KIAA1549L: variants seen among roughly 807,000 people sequenced by gnomAD.
KIAA1549L encodes KIAA1549 like, also known as UPF0606 protein KIAA1549L.
Under a neutral mutation model 160.7 loss-of-function variants are expected in KIAA1549L, and 88 were observed. That is an observed-to-expected ratio of 0.55 (90% CI 0.46 to 0.65). KIAA1549L has a LOEUF of 0.65. Among genes scored for constraint, KIAA1549L ranks in the 30% least tolerant of loss-of-function variants. The probability of loss-of-function intolerance (pLI) is 0.00; values close to 1 mark genes in which losing one functional copy is unlikely to be tolerated. For missense variants in KIAA1549L, 2,258 were observed against 2,437.5 expected (o/e 0.93, Z 1.55); for synonymous variants, 950 against 976.7 (o/e 0.97, Z 0.51).
rs1283369238 is a variant in KIAA1549L, at chr11:33,552,178, G to T, written c.3792G>T (p.Leu1264=). ...TTGCTCAGACAATGGAACAGAGGCTGCAGAAGGCATTCCAGGATGCCGAGA... is the reference window on the plus strand; with the variant it reads ...TTGCTCAGACAATGGAACAGAGGCTTCAGAAGGCATTCCAGGATGCCGAGA... ...CKFAQTMEQR[L]QKAFQDAERK... is the part of the protein sequence containing the mutation. The change falls in exon 6 of 21, where the codon CTG becomes CTT. Residue 1264 remains leucine, a synonymous_variant. Transcript: ENST00000658780. 5 of 1,611,892 alleles carry T rather than the reference G, an allele frequency of 3.1e-6. No individual in the cohort carries two copies. Among genetic ancestry groups the T allele is most frequent in the Non-Finnish European group, 4.2e-6 (5 of 1,179,004 alleles).
chr11:33,495,369 A>T (rs1399431079), intron 1 of KIAA1549L, among the ~76,000 whole-genome samples: 1 of 150,926 alleles, frequency 6.6e-6, no homozygotes, highest in African/African-American at 2.4e-5. Context: ...GAGTGAGAAT[A>T]TGCGGTGTTT....
intron 12 of KIAA1549L, 149 bp from the exon 13 acceptor site, chr11:33,598,671 G>T (rs1850273740): frequency 1.0e-6 from 1 of 993,802 alleles, no homozygotes; most frequent in African/African-American, 1.6e-5. Context: ...GGGTGGTTTT[G>T]TTTTTTTCTT....
chr11:33,668,270 C>A lies in KIAA1549L; in HGVS notation c.*116C>A. On this transcript the variant is annotated 3_prime_UTR_variant, in exon 21 of 21. Coordinates refer to ENST00000658780, the MANE Select transcript of KIAA1549L (RefSeq NM_012194.3). Reference sequence around the variant, plus strand: ...CAATGGGTGAGTCTTTCTCACCCTCCATTTCTGAAAAGGTGAACTATGGGG... The same window carrying A: ...CAATGGGTGAGTCTTTCTCACCCTCAATTTCTGAAAAGGTGAACTATGGGG... The A allele has an allele frequency of 1.0e-6, 1 of 964,834 alleles. No individual in the cohort carries two copies. Among genetic ancestry groups the A allele is most frequent in the Non-Finnish European group, 1.5e-6 (1 of 654,808 alleles). The allele number at this position is 964,834 out of a possible 1,614,324, so 59.8% of individuals were successfully genotyped here.
At chr11:33,631,479 G>A (rs143509425) in intron 16 of KIAA1549L, among the ~76,000 whole-genome samples, 140 of 152,258 alleles carry the variant, frequency 9.2e-4, no homozygotes, top group East Asian at 5.0e-3. Context: ...CATATGGTGC[G>A]CTGTCCTGTA....
rs566163138 is a variant in KIAA1549L, at chr11:33,489,641, C to T, written c.239-52161C>T. On this transcript the variant is annotated intron_variant, in intron 1 of 20. Coordinates refer to ENST00000658780, the MANE Select transcript of KIAA1549L (RefSeq NM_012194.3). ...CTTCATCCCATGGTTTCCAAAGGCA[C>T]CCTGGACATCGACATGTGGATTCAA... Among the ~76,000 whole-genome samples, 108 of 152,306 alleles carry T rather than the reference C, an allele frequency of 7.1e-4. 1 individual carries two copies. The highest frequency in any genetic ancestry group is 2.6e-3 in the African/African-American group (107 of 41,560).
intron 1 of KIAA1549L, among the ~76,000 whole-genome samples, chr11:33,381,977 G>C (rs1490141036): frequency 6.6e-6 from 1 of 152,174 alleles, no homozygotes; most frequent in East Asian, 1.9e-4. Context: ...GTTCATTTGG[G>C]GGTATGTAAA....
chr11:33,483,320 G>A (rs1222489193), intron 1 of KIAA1549L, among the ~76,000 whole-genome samples: 1 of 152,154 alleles, frequency 6.6e-6, no homozygotes, highest in East Asian at 1.9e-4. Flanking sequence ...TTGTTGAGGG[G>A]GAGAAATCTA....
At chr11:33,621,069 C>T (rs977696204) in intron 16 of KIAA1549L, among the ~76,000 whole-genome samples, 1 of 152,080 alleles carries the variant, frequency 6.6e-6, no homozygotes, top group Non-Finnish European at 1.5e-5. Flanking sequence ...ACCTTGACAC[C>T]GTAGAAGCAA....
chr11:33,625,281 G>A (rs1446701147), intron 16 of KIAA1549L, among the ~76,000 whole-genome samples: 1 of 151,922 alleles, frequency 6.6e-6, no homozygotes, highest in East Asian at 1.9e-4. Flanking sequence ...CCCAGTAATG[G>A]GATGGCTGGG....
chr11:33,563,047 G>A (rs1854922376), intron 8 of KIAA1549L, among the ~76,000 whole-genome samples: 1 of 151,920 alleles, frequency 6.6e-6, no homozygotes, highest in Admixed American at 6.6e-5. Context: ...CTTGGGGTTA[G>A]GGCTTCAAAA....
intron 6 of KIAA1549L, among the ~76,000 whole-genome samples, chr11:33,553,688 C>T (rs1468299829): frequency 6.6e-6 from 1 of 152,148 alleles, no homozygotes; most frequent in Non-Finnish European, 1.5e-5. Context: ...CTTTTTCTTT[C>T]TGATTGGATT....
At chr11:33,549,337 G>T (rs1041561300) in intron 4 of KIAA1549L, among the ~76,000 whole-genome samples, 8 of 152,216 alleles carry the variant, frequency 5.3e-5, no homozygotes, top group African/African-American at 1.9e-4. Flanking sequence ...AAGGCTCTAA[G>T]GCTGAGCCTG....
intron 16 of KIAA1549L, among the ~76,000 whole-genome samples, chr11:33,640,772 G>A (rs1020130019): frequency 1.6e-4 from 24 of 152,242 alleles, no homozygotes; most frequent in Non-Finnish European, 1.0e-4. Flanking sequence ...GACATTCCTC[G>A]ATGAATATTT....
chr11:33,524,777 T>A (rs1355173285), intron 1 of KIAA1549L, among the ~76,000 whole-genome samples: 6 of 152,208 alleles, frequency 3.9e-5, no homozygotes, highest in Admixed American at 3.9e-4. Flanking sequence ...TTGTGATAAA[T>A]CTTAATGGGA....
chr11:33,477,900 G>A (rs1565152491), intron 1 of KIAA1549L, among the ~76,000 whole-genome samples: 1 of 152,172 alleles, frequency 6.6e-6, no homozygotes, highest in South Asian at 2.1e-4. Context: ...CTTACGTTTT[G>A]TCCAAGTTCA....
At chr11:33,394,398 TAAATAAATA>T (rs1385115314) in intron 1 of KIAA1549L, among the ~76,000 whole-genome samples, 6 of 73,108 alleles carry the variant, frequency 8.2e-5, no homozygotes, top group African/African-American at 2.8e-4. Context: ...AAATAATAAA[TAAATAAATA>T]AATAAATAAA....
At chr11:33,456,673 A>C (rs1851830507) in intron 1 of KIAA1549L, among the ~76,000 whole-genome samples, 1 of 152,138 alleles carries the variant, frequency 6.6e-6, no homozygotes, top group African/African-American at 2.4e-5. Flanking sequence ...ACGCCTTCCA[A>C]AGTGCTGGGA....
At chr11:33,453,541 T>C (rs1851763967) in intron 1 of KIAA1549L, among the ~76,000 whole-genome samples, 1 of 152,230 alleles carries the variant, frequency 6.6e-6, no homozygotes, top group Non-Finnish European at 1.5e-5. Context: ...CTTGGAGTGC[T>C]GAGTTCATTT....
intron 10 of KIAA1549L, among the ~76,000 whole-genome samples, chr11:33,576,489 G>T (rs191466751): frequency 6.6e-6 from 1 of 152,078 alleles, no homozygotes; most frequent in East Asian, 1.9e-4. Flanking sequence ...CTGTTTTGCC[G>T]CATCCTCTTT....
Sources: allele counts gnomAD v4.1 joint callset (sites outside exome capture counted in the v4.1 genomes callset), GRCh38; gene constraint gnomAD v4.1.1; transcripts MANE v1.5; gene names NCBI Gene and HGNC (gene_info 2026-07-23, HGNC 2026-07-21).